Variants in ZNF704 observed in about 807,000 individuals in gnomAD.
ZNF704 encodes the protein zinc finger protein 704.
ZNF704 carries 10 observed loss-of-function variants against 44.7 expected under a neutral mutation model. The ratio of observed to expected loss-of-function variants is 0.22; its 90% CI spans 0.14 to 0.38. The LOEUF is 0.38. ZNF704 is among the 10% of genes least tolerant of loss of function. The pLI is 1.00. For synonymous variants in ZNF704, 211 were observed against 207.6 expected (o/e 1.02, Z -0.14); for missense variants, 390 against 545.5 (o/e 0.71, Z 2.84).
intron 7 of ZNF704, among the ~76,000 whole-genome samples, chr8:80,650,510 G>A (rs1038219850): frequency 3.3e-5 from 5 of 152,200 alleles, no homozygotes; most frequent in African/African-American, 7.2e-5. Flanking sequence ...CAAGAACTAC[G>A]TGACGAATGC....
In ZNF704 at chr8:80,800,385, G is replaced by A. The variant is rs112140081; in HGVS notation, c.221+20989C>T. 3.4e-3 allele frequency among the ~76,000 whole-genome samples: 515 copies of A among 152,106 alleles called. 6 individuals carry two copies. The highest frequency in any genetic ancestry group is 0.012 in the African/African-American group (494 of 41,484). On this transcript the variant is annotated intron_variant, in intron 2 of 8. Transcript: ENST00000327835. ...CAAAATCATCAGATTTTCAAAGGTC[G>A]AAATCAAAGAAAAAATGTTAAGGAC...
chr8:80,745,949 C>T (rs1191139355), intron 2 of ZNF704, among the ~76,000 whole-genome samples: 3 of 152,142 alleles, frequency 2.0e-5, no homozygotes, highest in African/African-American at 4.8e-5. Flanking sequence ...ATATTTCTGT[C>T]AAGGGAAAGT....
At position 80,631,817 on chromosome 8, in the gene ZNF704, T is replaced by A. The variant is rs969983299; in HGVS notation, c.*9549A>T. ...GAATATTTCCCCCGAAGGGAGGGAATAGCCACACTGACTGAGCCTTACATC... is the reference window on the plus strand; with the variant it reads ...GAATATTTCCCCCGAAGGGAGGGAAAAGCCACACTGACTGAGCCTTACATC... On this transcript the variant is annotated 3_prime_UTR_variant, in exon 9 of 9. Transcript: ENST00000327835. 6.6e-6 allele frequency: 1 copy of A among 152,228 alleles called. No homozygotes were observed. The highest frequency in any genetic ancestry group is 1.9e-4 in the East Asian group (1 of 5,196). 9.4% of individuals were successfully genotyped at this position (152,228 alleles called of 1,614,324 possible).
intron 2 of ZNF704, among the ~76,000 whole-genome samples, chr8:80,753,973 A>T (rs1806992606): frequency 6.6e-6 from 1 of 152,140 alleles, no homozygotes; most frequent in Non-Finnish European, 1.5e-5. Flanking sequence ...AGGCGAAGTG[A>T]TGCAGGCAGA....
intron 2 of ZNF704, among the ~76,000 whole-genome samples, chr8:80,763,136 T>C (rs569170115): frequency 6.6e-6 from 1 of 152,210 alleles, no homozygotes; most frequent in Non-Finnish European, 1.5e-5. Flanking sequence ...AGGTGCACGG[T>C]GCCAGCTGTT....
rs145491398 is a variant in ZNF704 at position 80,693,016 on chromosome 8, C to A, written c.313G>T (p.Val105Leu). The change falls in exon 3 of 9, where the codon GTG becomes TTG. Residue 105 changes from valine (V) to leucine (L), a missense_variant. Physicochemically the swap from Val to Leu is conservative, Grantham distance 32. Transcript: ENST00000327835. Reference protein sequence around the residue: ...STSPLVRSPPVRPNESLSGSW... With the variant: ...STSPLVRSPPLRPNESLSGSW... ...ATCCTGGGCTTACCGTTCGGCCGCA[C>A]GGGAGGACTTCGAACCAAAGGGCTA... 3.7e-5 allele frequency: 60 copies of A among 1,613,980 alleles called. No homozygotes were observed. Among genetic ancestry groups the A allele is most frequent in the Non-Finnish European group, 5.0e-5 (59 of 1,180,000 alleles).
intron 7 of ZNF704, among the ~76,000 whole-genome samples, chr8:80,644,615 T>C (rs924613381): frequency 1.3e-5 from 2 of 152,080 alleles, no homozygotes; most frequent in Admixed American, 6.5e-5. Context: ...GTTTACATGA[T>C]CCCTGTAACA....
intron 2 of ZNF704, among the ~76,000 whole-genome samples, chr8:80,693,603 C>T (rs139583425): frequency 8.5e-5 from 13 of 152,210 alleles, no homozygotes; most frequent in African/African-American, 2.9e-4. Context: ...GAGGCAGTGA[C>T]GTCTGAGGTG....
At chr8:80,709,492 T>C (rs1384967948) in intron 2 of ZNF704, among the ~76,000 whole-genome samples, 1 of 141,986 alleles carries the variant, frequency 7.0e-6, no homozygotes, top group African/African-American at 2.6e-5. Flanking sequence ...GGCATGTCAG[T>C]TTGACTCTTC....
chr8:80,638,042 G>A lies in ZNF704; in HGVS notation c.*3324C>T, dbSNP rs964013659. 2 of 152,282 alleles carry A rather than the reference G, an allele frequency of 1.3e-5. No homozygotes were observed. The highest frequency in any genetic ancestry group is 4.8e-5 in the African/African-American group (2 of 41,450). 9.4% of individuals were successfully genotyped at this position (152,282 alleles called of 1,614,324 possible). On this transcript the variant is annotated 3_prime_UTR_variant, in exon 9 of 9. Transcript: ENST00000327835. The stretch of plus-strand genomic sequence containing the variant: ...ACCAGCTGATCAGCACCAAGAAGAT[G>A]AGCAAGAGCCAGGTGTCCACAGCCC...
chr8:80,641,344 A>T lies in ZNF704; in HGVS notation c.*22T>A. The stretch of plus-strand genomic sequence containing the variant: ...AGGGCAGGAGCGGCTCAGGGCCCTG[A>T]GCCCCTCTGCCTGGGGGTCTCTCAG... On this transcript the variant is annotated 3_prime_UTR_variant, in exon 9 of 9. Coordinates refer to ENST00000327835, the MANE Select transcript of ZNF704 (RefSeq NM_001033723.3). The T allele has an allele frequency of 6.5e-7, 1 of 1,540,538 alleles. No homozygotes were observed. Among genetic ancestry groups the T allele is most frequent in the Non-Finnish European group, 8.9e-7 (1 of 1,129,574 alleles).
At chr8:80,848,236 C>T (rs541508754) in intron 1 of ZNF704, among the ~76,000 whole-genome samples, 12 of 152,216 alleles carry the variant, frequency 7.9e-5, no homozygotes, top group East Asian at 3.9e-4. Context: ...GGGTTAGGAA[C>T]GGCGGAGAGG....
chr8:80,641,347 C>G lies in ZNF704; in HGVS notation c.*19G>C, dbSNP rs1368351295. On this transcript the variant is annotated 3_prime_UTR_variant, in exon 9 of 9. Transcript: ENST00000327835. ...GCAGGAGCGGCTCAGGGCCCTGAGC[C>G]CCTCTGCCTGGGGGTCTCTCAGTCG... 4 of 1,574,162 alleles carry G rather than the reference C, an allele frequency of 2.5e-6. No homozygotes were observed. Among genetic ancestry groups the G allele is most frequent in the South Asian group, 2.3e-5 (2 of 85,960 alleles).
At chr8:80,798,897 G>A (rs541092671) in intron 2 of ZNF704, among the ~76,000 whole-genome samples, 1 of 152,244 alleles carries the variant, frequency 6.6e-6, no homozygotes, top group East Asian at 1.9e-4. Flanking sequence ...AAGGTTTAGG[G>A]GCCGTATCTG....
At chr8:80,787,904 T>C (rs1325878248) in intron 2 of ZNF704, among the ~76,000 whole-genome samples, 1 of 152,190 alleles carries the variant, frequency 6.6e-6, no homozygotes, top group Non-Finnish European at 1.5e-5. Flanking sequence ...ATTTTCCATC[T>C]AAAATTTGCC....
At chr8:80,826,090 A>G (rs1332129577) in intron 1 of ZNF704, among the ~76,000 whole-genome samples, 1 of 152,178 alleles carries the variant, frequency 6.6e-6, no homozygotes, top group East Asian at 1.9e-4. Flanking sequence ...GCAGAACTGA[A>G]AGAAATAGAG....
chr8:80,632,936 C>T lies in ZNF704; in HGVS notation c.*8430G>A, dbSNP rs1482966961. ...CCCTGTTCATGATGTAGGAGTCTGG[C>T]CAAAAAGTTTTTTTTTGAGGCTCCT... On this transcript the variant is annotated 3_prime_UTR_variant, in exon 9 of 9. Coordinates refer to ENST00000327835, the MANE Select transcript of ZNF704 (RefSeq NM_001033723.3). The T allele has an allele frequency of 2.0e-5, 3 of 152,138 alleles. No homozygotes were observed. Among genetic ancestry groups the T allele is most frequent in the African/African-American group, 7.2e-5 (3 of 41,416 alleles). The allele number at this position is 152,138 out of a possible 1,614,324, so 9.4% of individuals were successfully genotyped here.
intron 2 of ZNF704, among the ~76,000 whole-genome samples, chr8:80,750,641 G>A (rs556110826): frequency 1.3e-5 from 2 of 151,820 alleles, no homozygotes; most frequent in South Asian, 2.1e-4. Context: ...TCAGCCTCCC[G>A]AGTAGCTGGG....
intron 4 of ZNF704, among the ~76,000 whole-genome samples, chr8:80,685,133 T>C (rs1818514794): frequency 6.7e-6 from 1 of 148,196 alleles, no homozygotes; most frequent in Admixed American, 6.6e-5. Flanking sequence ...CCAATAAAAA[T>C]AAATATATAT....
Sources: gnomAD v4.1 joint callset for allele counts (sites outside exome capture counted in the v4.1 genomes callset) on GRCh38, gnomAD v4.1.1 for gene constraint, MANE v1.5 for transcripts, NCBI Gene and HGNC (gene_info 2026-07-23, HGNC 2026-07-21) for gene names.